Variants in ARHGEF3 observed in about 807,000 individuals in gnomAD.
ARHGEF3 encodes Rho guanine nucleotide exchange factor 3.
In ARHGEF3, 28 loss-of-function variants were observed where a neutral mutation model predicts 63.2. The observed-to-expected ratio is 0.44, with a 90% CI of 0.33 to 0.61. The LOEUF is 0.61. Among genes scored for constraint, ARHGEF3 ranks in the 20% least tolerant of loss-of-function variants. ARHGEF3 has a pLI of 0.03. For missense variants in ARHGEF3, 533 were observed against 659.3 expected, an observed-to-expected ratio of 0.81 and a Z score of 2.10; for synonymous variants, 266 against 254.2, an observed-to-expected ratio of 1.05 and a Z score of -0.44.
chr3:57,065,979 G>A (rs1448670825), intron 1 of ARHGEF3, among the ~76,000 whole-genome samples: 1 of 152,036 alleles, frequency 6.6e-6, no homozygotes, highest in Non-Finnish European at 1.5e-5. Flanking sequence ...TACTCAGGAG[G>A]CTGAGGCAGG....
intron 1 of ARHGEF3, among the ~76,000 whole-genome samples, chr3:57,050,869 C>T (rs1055401364): frequency 6.6e-6 from 1 of 152,178 alleles, no homozygotes; most frequent in African/African-American, 2.4e-5. Flanking sequence ...TCTGTGAACC[C>T]AGCAATTCAA....
intron 4 of ARHGEF3, among the ~76,000 whole-genome samples, chr3:56,808,169 G>A (rs560620668): frequency 4.0e-5 from 6 of 151,868 alleles, no homozygotes; most frequent in Admixed American, 2.0e-4. Flanking sequence ...AAGCTGGAAG[G>A]CTTAATTCTT....
Position 56,732,257 on chromosome 3 carries a change from T to C in ARHGEF3, c.1209A>G (p.Ala403=). The C allele has an allele frequency of 6.2e-7, 1 of 1,614,132 alleles. No individual in the cohort carries two copies. Among genetic ancestry groups the C allele is most frequent in the East Asian group, 2.2e-5 (1 of 44,876 alleles). The change falls in exon 9 of 10, where the codon GCA becomes GCG. Residue 403 remains alanine, a synonymous_variant. Coordinates refer to ENST00000296315, the MANE Select transcript of ARHGEF3 (RefSeq NM_019555.3). The part of the protein sequence containing the change: ...EVRLGGSLRG[A]FSNNERIKNF... ...CCATACTTCTCTCATTGTTGCTGAA[T>C]GCCCCTCGCAGGGAGCCACCCAGCC...
intron 2 of ARHGEF3, among the ~76,000 whole-genome samples, chr3:56,755,860 C>T (rs555556569): frequency 5.9e-4 from 90 of 152,238 alleles, no homozygotes; most frequent in African/African-American, 2.1e-3. Context: ...ATGGAGTGAC[C>T]AATGGAGGCA....
intron 4 of ARHGEF3, among the ~76,000 whole-genome samples, chr3:56,808,941 A>G (rs1449077926): frequency 1.3e-5 from 2 of 152,234 alleles, no homozygotes; most frequent in African/African-American, 2.4e-5. Flanking sequence ...GCCACTATTG[A>G]GAAACGCTGT....
chr3:56,994,894 G>C (rs1434097663), intron 2 of ARHGEF3, among the ~76,000 whole-genome samples: 1 of 152,118 alleles, frequency 6.6e-6, no homozygotes. Context: ...CCCCCTTGCT[G>C]TTCTTGTGAC....
chr3:56,811,861 C>T (rs926122677), intron 4 of ARHGEF3, among the ~76,000 whole-genome samples: 7 of 152,196 alleles, frequency 4.6e-5, no homozygotes, highest in Admixed American at 1.3e-4. Flanking sequence ...TAATTCCTCT[C>T]ATTCAAGGTT....
intron 3 of ARHGEF3, among the ~76,000 whole-genome samples, 192 bp from the exon 4 acceptor site, chr3:56,753,758 C>T (rs1419668660): frequency 6.6e-6 from 1 of 152,178 alleles, no homozygotes; most frequent in Non-Finnish European, 1.5e-5. Context: ...GCATATTGTG[C>T]TTCTCTGTTT....
At position 56,729,106 on chromosome 3, in the gene ARHGEF3, G is replaced by C. The variant is rs913303539; in HGVS notation, c.*164C>G. The C allele has an allele frequency of 1.6e-6, 1 of 619,238 alleles. No homozygotes were observed. Among genetic ancestry groups the C allele is most frequent in the East Asian group, 2.8e-5 (1 of 35,724 alleles). 38.4% of individuals were successfully genotyped at this position (619,238 alleles called of 1,614,324 possible). Reference sequence around the variant, plus strand: ...GATTCCAGCTTACACAGACAGATTGGCAGTTACAGTACTAGGGACAAAGGT... The same window carrying C: ...GATTCCAGCTTACACAGACAGATTGCCAGTTACAGTACTAGGGACAAAGGT... On this transcript the variant is annotated 3_prime_UTR_variant, in exon 10 of 10. Transcript: ENST00000296315.
intron 2 of ARHGEF3, among the ~76,000 whole-genome samples, chr3:57,026,116 G>A (rs1289885204): frequency 6.6e-6 from 1 of 152,120 alleles, no homozygotes; most frequent in Non-Finnish European, 1.5e-5. Context: ...AACAATGATG[G>A]AGGCAGGACG....
At chr3:56,906,252 C>G (rs1299039726) in intron 3 of ARHGEF3, among the ~76,000 whole-genome samples, 1 of 152,194 alleles carries the variant, frequency 6.6e-6, no homozygotes, top group Non-Finnish European at 1.5e-5. Context: ...CTCAGCTGTA[C>G]TAGTCACATT....
chr3:56,983,307 T>C (rs1701401568), intron 2 of ARHGEF3, among the ~76,000 whole-genome samples: 1 of 152,072 alleles, frequency 6.6e-6, no homozygotes, highest in African/African-American at 2.4e-5. Context: ...TCTGCTAGGG[T>C]TGAGTGGTAG....
chr3:56,782,024 A>C (rs1040470115), intron 1 of ARHGEF3, among the ~76,000 whole-genome samples: 1 of 152,206 alleles, frequency 6.6e-6, no homozygotes, highest in African/African-American at 2.4e-5. Context: ...CTGCCTGAGC[A>C]AAGGAGGAGT....
chr3:56,733,027 T>C (rs1395803806), intron 8 of ARHGEF3, among the ~76,000 whole-genome samples: 1 of 152,048 alleles, frequency 6.6e-6, no homozygotes, highest in Non-Finnish European at 1.5e-5. Flanking sequence ...CTCACGCCTG[T>C]AATCCCAGCA....
chr3:56,948,318 C>CA (rs1428463798), intron 3 of ARHGEF3, among the ~76,000 whole-genome samples: 3 of 152,076 alleles, frequency 2.0e-5, no homozygotes, highest in Non-Finnish European at 4.4e-5. Context: ...AAAAACCCTT[C>CA]AAAAAATCAG....
chr3:56,847,778 A>T (rs557110371), intron 4 of ARHGEF3, among the ~76,000 whole-genome samples: 1 of 152,232 alleles, frequency 6.6e-6, no homozygotes, highest in South Asian at 2.1e-4. Context: ...GGGTTTTACC[A>T]TGTTGGCCAG....
At chr3:56,790,928 C>T (rs2037048251) in intron 1 of ARHGEF3, among the ~76,000 whole-genome samples, 1 of 152,060 alleles carries the variant, frequency 6.6e-6, no homozygotes, top group Non-Finnish European at 1.5e-5. Flanking sequence ...TTCCTTTTCA[C>T]ATTTTTTTTT....
intron 3 of ARHGEF3, among the ~76,000 whole-genome samples, chr3:56,911,127 C>T (rs1459608621): frequency 6.6e-6 from 1 of 152,144 alleles, no homozygotes; most frequent in Non-Finnish European, 1.5e-5. Context: ...AGATTCCTGA[C>T]TCCTAGCCCA....
chr3:56,982,450 C>G (rs537078772), intron 2 of ARHGEF3, among the ~76,000 whole-genome samples: 9 of 152,050 alleles, frequency 5.9e-5, no homozygotes, highest in Admixed American at 5.2e-4. Context: ...TCCTTCAGGG[C>G]TCTTCTCAGT....
Sources: gnomAD v4.1 joint callset for allele counts (sites outside exome capture counted in the v4.1 genomes callset) on GRCh38, gnomAD v4.1.1 for gene constraint, MANE v1.5 for transcripts, NCBI Gene and HGNC (gene_info 2026-07-23, HGNC 2026-07-21) for gene names.